Variants in DISC1 observed in about 807,000 individuals in gnomAD.
DISC1 encodes disrupted in schizophrenia 1 protein.
DISC1 carries 57 observed loss-of-function variants against 84.5 expected under a neutral mutation model. The ratio of observed to expected loss-of-function variants is 0.67; its 90% CI spans 0.55 to 0.84. The LOEUF (loss-of-function observed/expected upper bound fraction) is 0.84. Among genes scored for constraint, DISC1 ranks in the 40% least tolerant of loss-of-function variants. The probability of loss-of-function intolerance (pLI) is 0.00; values close to 1 mark genes in which losing one functional copy is unlikely to be tolerated. For missense variants in DISC1, 1,000 were observed against 1,057.8 expected (o/e 0.95, Z 0.76); for synonymous variants, 411 against 415.2 (o/e 0.99, Z 0.12).
At chr1:231,646,545 T>C (rs918132237) in intron 1 of DISC1, among the ~76,000 whole-genome samples, 3 of 152,218 alleles carry the variant, frequency 2.0e-5, no homozygotes, top group Admixed American at 2.0e-4. Flanking sequence ...GCCCCAATTC[T>C]AAATTTTTGG....
At chr1:231,779,839 G>A (rs913866375) in intron 6 of DISC1, among the ~76,000 whole-genome samples, 6 of 151,990 alleles carry the variant, frequency 3.9e-5, no homozygotes, top group Admixed American at 6.6e-5. Flanking sequence ...GATTACAAGC[G>A]TGAGCCACCC....
chr1:231,915,867 C>G (rs1357025676), intron 9 of DISC1, among the ~76,000 whole-genome samples: 1 of 152,174 alleles, frequency 6.6e-6, no homozygotes. Flanking sequence ...CAGGCTCTGG[C>G]CAGGCTCAGT....
chr1:231,669,959 A>G (rs60239389), intron 1 of DISC1, among the ~76,000 whole-genome samples: 222 of 152,334 alleles, frequency 1.5e-3, no homozygotes, highest in African/African-American at 5.0e-3. Context: ...CAGCAAAGAT[A>G]TGGAATCAAT....
At position 231,748,450 on chromosome 1, in the gene DISC1, G is replaced by C. The variant is rs563946722; in HGVS notation, c.1118-1476G>C. Among the ~76,000 whole-genome samples, 333 of 152,078 alleles carry C rather than the reference G, an allele frequency of 2.2e-3. 1 individual carries two copies. Among genetic ancestry groups the C allele is most frequent in the Non-Finnish European group, 2.8e-3 (193 of 67,966 alleles). ...TGTTGAGAATTTTTTTATTATGAAG[G>C]GATGTTGAATTTTATCAAAAGCTTT... On this transcript the variant is annotated intron_variant, in intron 3 of 12. Coordinates refer to ENST00000439617, the MANE Select transcript of DISC1 (RefSeq NM_018662.3).
intron 11 of DISC1, among the ~76,000 whole-genome samples, chr1:232,014,010 G>A (rs569869873): frequency 1.8e-5 from 1 of 55,044 alleles, no homozygotes; most frequent in South Asian, 5.5e-4. Flanking sequence ...AAAGTACTCA[G>A]GCATACCAAA....
At chr1:231,689,064 G>T (rs550276499) in intron 1 of DISC1, among the ~76,000 whole-genome samples, 2 of 152,242 alleles carry the variant, frequency 1.3e-5, no homozygotes, top group Non-Finnish European at 2.9e-5. Context: ...TTATGGTTCT[G>T]AATATTTGGT....
chr1:231,718,311 T>C (rs2069060513), intron 3 of DISC1, among the ~76,000 whole-genome samples: 1 of 152,250 alleles, frequency 6.6e-6, no homozygotes, highest in Admixed American at 6.5e-5. Flanking sequence ...TCTGCGTGAC[T>C]AATGTCACTA....
chr1:231,849,731 C>T (rs552902298), intron 9 of DISC1, among the ~76,000 whole-genome samples: 2 of 152,264 alleles, frequency 1.3e-5, no homozygotes, highest in African/African-American at 4.8e-5. Flanking sequence ...GTGAAAGAGT[C>T]GGATACCTTT....
At chr1:231,944,109 G>A (rs1558763608) in intron 9 of DISC1, 1 of 152,244 alleles carries the variant, frequency 6.6e-6, no homozygotes, top group Non-Finnish European at 1.5e-5. Context: ...ATATCAGAAA[G>A]CAGAGGTGCC....
Position 232,009,683 on chromosome 1 carries a change from C to T in DISC1, c.2307+634C>T. On this transcript the variant is annotated intron_variant, in intron 11 of 12. Transcript: ENST00000439617. This position sits in a 1 kb window ranked among gnomAD's most constrained non-coding sequence, Gnocchi z 4.6. ...TCTTTTTCTCTCCCCTCTTTCCTCT[C>T]TCCCTTCCCCTTCCACTCCTCACTT... 1.3e-6 allele frequency: 1 copy of T among 769,024 alleles called. No individual in the cohort carries two copies. The highest frequency in any genetic ancestry group is 1.6e-6 in the Non-Finnish European group (1 of 632,836). 47.6% of individuals were successfully genotyped at this position (769,024 alleles called of 1,614,324 possible).
intron 10 of DISC1, among the ~76,000 whole-genome samples, chr1:232,002,991 T>C (rs1373082439): frequency 6.6e-6 from 1 of 152,188 alleles, no homozygotes; most frequent in Non-Finnish European, 1.5e-5. Context: ...GTTACCATTA[T>C]GAAGAACTGG....
chr1:231,925,575 C>T (rs2090314113), intron 9 of DISC1, among the ~76,000 whole-genome samples: 1 of 152,160 alleles, frequency 6.6e-6, no homozygotes, highest in Non-Finnish European at 1.5e-5. Context: ...ATTGTATCCC[C>T]ACCAATGATA....
chr1:231,973,163 C>G (rs1467557518), intron 10 of DISC1, among the ~76,000 whole-genome samples: 1 of 151,852 alleles, frequency 6.6e-6, no homozygotes, highest in Non-Finnish European at 1.5e-5. Context: ...TCTCCTGCCT[C>G]AGACTCCTGA....
At chr1:231,980,797 T>A (rs906171891) in intron 10 of DISC1, among the ~76,000 whole-genome samples, 3 of 152,218 alleles carry the variant, frequency 2.0e-5, no homozygotes, top group African/African-American at 7.2e-5. Context: ...ATCTTGTTCT[T>A]ACTTTCCTGG....
At chr1:231,932,404 A>G (rs2090720441) in intron 9 of DISC1, among the ~76,000 whole-genome samples, 1 of 152,192 alleles carries the variant, frequency 6.6e-6, no homozygotes, top group African/African-American at 2.4e-5. Context: ...CCTATTGAGG[A>G]CCTGTGAACA....
At chr1:231,676,703 A>C (rs2063188489) in intron 1 of DISC1, among the ~76,000 whole-genome samples, 1 of 152,214 alleles carries the variant, frequency 6.6e-6, no homozygotes, top group Non-Finnish European at 1.5e-5. Context: ...GTAATAAGTG[A>C]ATTAAAGCCA....
intron 1 of DISC1, among the ~76,000 whole-genome samples, chr1:231,664,630 A>T (rs1479572904): frequency 1.3e-5 from 2 of 152,180 alleles, no homozygotes; most frequent in Non-Finnish European, 2.9e-5. Flanking sequence ...AAAGCCAAGG[A>T]ATTCACTGAC....
chr1:231,981,881 G>T (rs1417397909), intron 10 of DISC1, among the ~76,000 whole-genome samples: 2 of 152,208 alleles, frequency 1.3e-5, no homozygotes, highest in African/African-American at 4.8e-5. Flanking sequence ...CCACATAAGA[G>T]AGTGTTAGAA....
Position 231,992,588 on chromosome 1 carries a change from G to A in DISC1, c.2043-16197G>A, listed in dbSNP as rs1402794814. Among the ~76,000 whole-genome samples, 6 of 152,150 alleles carry A rather than the reference G, an allele frequency of 3.9e-5. No homozygotes were observed. The East Asian group carries it at 1.2e-3, about 29-fold the overall frequency. On this transcript the variant is annotated intron_variant, in intron 10 of 12. Coordinates refer to ENST00000439617, the MANE Select transcript of DISC1 (RefSeq NM_018662.3). ...TGCTTAGAAAGTTTTTCCCCACTTC[G>A]AGTCAGTCAAATAATGTAAAAATTT...
Sources: gnomAD v4.1 joint callset for allele counts (sites outside exome capture counted in the v4.1 genomes callset) on GRCh38, gnomAD v4.1.1 for gene constraint, Gnocchi (gnomAD v3.1) non-coding constraint, MANE v1.5 for transcripts, NCBI Gene and HGNC (gene_info 2026-07-23, HGNC 2026-07-21) for gene names.